Variants in ANK2 observed in about 807,000 individuals in gnomAD.
ANK2 encodes ankyrin 2.
A neutral mutation model predicts 360.5 loss-of-function variants in ANK2; 83 were observed. The observed-to-expected ratio is 0.23, with a 90% confidence interval of 0.19 to 0.28. The LOEUF (loss-of-function observed/expected upper bound fraction) is 0.28. Ranked by LOEUF, ANK2 falls within the 10% of genes least tolerant of loss-of-function variation. ANK2 has a pLI of 1.00. For synonymous variants in ANK2, 1,740 were observed against 1,759.5 expected, an observed-to-expected ratio of 0.99 and a Z score of 0.28; for missense variants, 4,201 against 4,795.7, an observed-to-expected ratio of 0.88 and a Z score of 3.66.
chr4:112,874,870 T>C (rs2074518187), intron 1 of ANK2, among the ~76,000 whole-genome samples: 1 of 152,092 alleles, frequency 6.6e-6, no homozygotes, highest in African/African-American at 2.4e-5. Context: ...GTAGAGCAAT[T>C]CCTTGTACTT....
chr4:113,071,407 C>T (rs185815358), intron 1 of ANK2, among the ~76,000 whole-genome samples: 81 of 152,230 alleles, frequency 5.3e-4, no homozygotes, highest in Non-Finnish European at 8.8e-4. Context: ...CTACTCAGAC[C>T]AAGAGATCAG....
At chr4:112,725,768 T>C in the ANK2 span, among the ~76,000 whole-genome samples, 5 of 152,118 alleles carry the variant, frequency 3.3e-5, no homozygotes, top group Non-Finnish European at 7.4e-5. Context: ...AGCCAAGGGC[T>C]GGAGGCTGGG....
rs79042709 is a variant in ANK2, at chr4:113,016,724, A to G, written c.21+112210A>G. Among the ~76,000 whole-genome samples, 1,056 of 152,354 alleles carry G rather than the reference A, an allele frequency of 6.9e-3. 14 individuals are homozygous for G. The highest frequency in any genetic ancestry group is 0.024 in the African/African-American group (1,006 of 41,594). Reference sequence around the variant, plus strand: ...AATAGACAATAGGGAAATGAATCCAAGGCAGGGGTGCAGAAAGGAAGCTTG... The same window carrying G: ...AATAGACAATAGGGAAATGAATCCAGGGCAGGGGTGCAGAAAGGAAGCTTG... On this transcript the variant is annotated intron_variant, in intron 2 of 30. Transcript: ENST00000503271.
intron 2 of ANK2, among the ~76,000 whole-genome samples, chr4:112,954,779 AATC>A (rs1040872584): frequency 6.6e-6 from 1 of 152,216 alleles, no homozygotes; most frequent in African/African-American, 2.4e-5. Flanking sequence ...ATTTTGTAGT[AATC>A]ATCATACAGT....
intron 38 of ANK2, among the ~76,000 whole-genome samples, chr4:113,360,508 G>A (rs1589093043): frequency 6.6e-6 from 1 of 151,788 alleles, no homozygotes; most frequent in Admixed American, 6.6e-5. Flanking sequence ...ACAAGATGGT[G>A]GTCTTCTTGG....
At chr4:113,344,017 T>A (rs1192907966) in intron 34 of ANK2, among the ~76,000 whole-genome samples, 2 of 152,178 alleles carry the variant, frequency 1.3e-5, no homozygotes, top group Non-Finnish European at 2.9e-5. Context: ...TCTTATTAAG[T>A]TTTTCCAAGA....
the ANK2 span, among the ~76,000 whole-genome samples, chr4:112,735,004 A>C: frequency 2.0e-5 from 3 of 152,362 alleles, no homozygotes; most frequent in Non-Finnish European, 4.4e-5. Context: ...TGAAGCAATA[A>C]AAAGTTCATT....
intron 9 of ANK2, among the ~76,000 whole-genome samples, chr4:113,244,191 T>C (rs981514362): frequency 6.6e-6 from 1 of 152,212 alleles, no homozygotes; most frequent in African/African-American, 2.4e-5. Context: ...TAAAATAGGT[T>C]TTCTAACTGT....
At chr4:113,206,945 A>G (rs924866411) in intron 4 of ANK2, among the ~76,000 whole-genome samples, 1 of 152,148 alleles carries the variant, frequency 6.6e-6, no homozygotes, top group Non-Finnish European at 1.5e-5. Context: ...AATCATTTGA[A>G]CCTGGGAGGC....
chr4:113,042,406 T>A (rs2063189698), intron 2 of ANK2, among the ~76,000 whole-genome samples: 3 of 152,160 alleles, frequency 2.0e-5, no homozygotes, highest in Admixed American at 2.0e-4. Flanking sequence ...TATGAGCCAA[T>A]TTCCATAATA....
intron 1 of ANK2, among the ~76,000 whole-genome samples, chr4:112,882,712 TTA>T (rs2077043438): frequency 6.6e-6 from 1 of 151,932 alleles, no homozygotes; most frequent in Non-Finnish European, 1.5e-5. Flanking sequence ...TTTTTTTTTT[TTA>T]AAATGAAGCA....
intron 1 of ANK2, among the ~76,000 whole-genome samples, chr4:112,869,414 A>G (rs1259234654): frequency 6.6e-6 from 1 of 152,124 alleles, no homozygotes; most frequent in African/African-American, 2.4e-5. Context: ...AGTTGCTGGG[A>G]CTACAAGTGC....
At chr4:112,824,350 C>A (rs1307975648) in intron 1 of ANK2, among the ~76,000 whole-genome samples, 1 of 152,000 alleles carries the variant, frequency 6.6e-6, no homozygotes, top group African/African-American at 2.4e-5. Context: ...AGGACTACAA[C>A]CATGACCAGT....
chr4:112,911,079 T>C (rs2087087292), intron 2 of ANK2, among the ~76,000 whole-genome samples: 1 of 147,432 alleles, frequency 6.8e-6, no homozygotes, highest in South Asian at 2.3e-4. Context: ...TGCCTCAGCC[T>C]CCCGAGTAGC....
Position 113,079,901 on chromosome 4 carries a change from T to A in ANK2, c.84+30089T>A, listed in dbSNP as rs879618704. On this transcript the variant is annotated intron_variant, in intron 1 of 45. Transcript: ENST00000357077. Reference sequence around the variant, plus strand: ...GAACCTGTTATCACCCTGAGAATTTTTTTTTTTTTTTTTTTGAGATGGAGT... The same window carrying A: ...GAACCTGTTATCACCCTGAGAATTTATTTTTTTTTTTTTTTGAGATGGAGT... 1.8e-3 allele frequency among the ~76,000 whole-genome samples: 273 copies of A among 149,048 alleles called. 5 individuals are homozygous for A. Among genetic ancestry groups the A allele is most frequent in the African/African-American group, 3.0e-3 (122 of 41,040 alleles).
intron 1 of ANK2, among the ~76,000 whole-genome samples, chr4:112,868,333 A>G (rs894250174): frequency 1.3e-5 from 2 of 152,248 alleles, no homozygotes; most frequent in Admixed American, 6.5e-5. Flanking sequence ...GCATAGTGTC[A>G]GCATCTGGTG....
chr4:112,856,341 A>G (rs1169580398), intron 1 of ANK2, among the ~76,000 whole-genome samples: 2 of 152,186 alleles, frequency 1.3e-5, no homozygotes, highest in African/African-American at 4.8e-5. Flanking sequence ...ATTTAAACCA[A>G]TAGTTCCCAA....
intron 2 of ANK2, among the ~76,000 whole-genome samples, chr4:112,974,860 A>G (rs2040822738): frequency 6.6e-6 from 1 of 151,878 alleles, no homozygotes; most frequent in Non-Finnish European, 1.5e-5. Context: ...AAAAAAAAAA[A>G]GTGAACACAG....
At chr4:113,364,966 A>C in intron 40 of ANK2, 73 bp from the exon 41 acceptor site, 1 of 1,577,522 alleles carries the variant, frequency 6.3e-7, no homozygotes, top group Non-Finnish European at 8.7e-7. Context: ...AAAATTTAGT[A>C]AGGCAGTTGA....
Sources: gnomAD v4.1 joint callset for allele counts (sites outside exome capture counted in the v4.1 genomes callset) on GRCh38, gnomAD v4.1.1 for gene constraint, MANE v1.5 for transcripts, NCBI Gene and HGNC (gene_info 2026-07-23, HGNC 2026-07-21) for gene names.